RELN: variants seen among roughly 807,000 people sequenced by gnomAD.
RELN encodes reelin.
A neutral mutation model predicts 427.6 loss-of-function variants in RELN; 108 were observed. The observed-to-expected ratio is 0.25, with a 90% CI of 0.22 to 0.30. RELN has a LOEUF of 0.30. Among genes scored for constraint, RELN ranks in the 10% least tolerant of loss-of-function variants. The pLI, the probability that RELN is intolerant of heterozygous loss-of-function variation, is 1.00. For synonymous variants in RELN, 1,524 were observed against 1,513.4 expected (o/e 1.01, Z -0.16); for missense variants, 3,715 against 4,302.8 (o/e 0.86, Z 3.82).
At chr7:103,912,818 A>T (rs1053763641) in intron 2 of RELN, among the ~76,000 whole-genome samples, 4 of 152,182 alleles carry the variant, frequency 2.6e-5, no homozygotes, top group Non-Finnish European at 5.9e-5. Context: ...ACAATTTTGT[A>T]TGAAAGGATA....
intron 48 of RELN, among the ~76,000 whole-genome samples, chr7:103,520,722 C>T (rs980017397): frequency 2.0e-5 from 3 of 152,084 alleles, no homozygotes; most frequent in East Asian, 1.9e-4. Flanking sequence ...TGTTGATATA[C>T]GGATTTTTTT....
chr7:103,860,700 C>T (rs756092522), intron 2 of RELN, among the ~76,000 whole-genome samples: 19 of 151,946 alleles, frequency 1.3e-4, no homozygotes, highest in Admixed American at 8.5e-4. Context: ...CATGAGCCAC[C>T]GCACCCGGCC....
At chr7:103,945,064 C>T (rs1474885840) in intron 1 of RELN, among the ~76,000 whole-genome samples, 1 of 152,114 alleles carries the variant, frequency 6.6e-6, no homozygotes, top group Non-Finnish European at 1.5e-5. Context: ...TTGCAAAATA[C>T]AATTACAAGA....
intron 3 of RELN, among the ~76,000 whole-genome samples, chr7:103,816,348 C>T (rs1490853083): frequency 2.0e-5 from 3 of 152,122 alleles, no homozygotes; most frequent in African/African-American, 4.8e-5. Flanking sequence ...CACTGCACTC[C>T]AGCCTGAGCA....
intron 2 of RELN, among the ~76,000 whole-genome samples, chr7:103,872,881 C>G (rs1794383766): frequency 6.6e-6 from 1 of 151,028 alleles, no homozygotes; most frequent in East Asian, 2.0e-4. Flanking sequence ...AGTGTCTGTT[C>G]ATGTCCTTCG....
At chr7:103,638,297 A>G (rs12539504) in intron 17 of RELN, among the ~76,000 whole-genome samples, 55,411 of 151,882 alleles carry the variant, frequency 0.36, 10,238 homozygotes, top group South Asian at 0.45. Context: ...AGGGGTTCTA[A>G]TGCTCTGTCT....
intron 3 of RELN, among the ~76,000 whole-genome samples, chr7:103,806,323 C>CT (rs1254517912): frequency 6.6e-6 from 1 of 151,892 alleles, no homozygotes; most frequent in African/African-American, 2.4e-5. Flanking sequence ...TAAGCACTTT[C>CT]TTTCTTTTTT....
In RELN at chr7:103,581,910, CAGA is replaced by C. The variant is rs563109120; in HGVS notation, c.4146-6208_4146-6206del. ...AGATGATGGAGCCCAGGAAGACCAG[CAGA>C]AGAACTGCCCAGCCAACCCCACAAA... On this transcript the variant is annotated intron_variant, in intron 28 of 64. Transcript: ENST00000428762. Among the ~76,000 whole-genome samples, 401 of 152,032 alleles carry C rather than the reference CAGA, an allele frequency of 2.6e-3. 1 individual carries two copies. The highest frequency in any genetic ancestry group is 4.4e-3 in the Non-Finnish European group (297 of 68,000).
At chr7:103,698,255 C>A (rs1420660594) in intron 9 of RELN, among the ~76,000 whole-genome samples, 162 bp from the exon 10 acceptor site, 2 of 152,080 alleles carry the variant, frequency 1.3e-5, no homozygotes, top group Admixed American at 6.6e-5. Context: ...TTAATATTTG[C>A]TGACTATTAA....
rs191038382 is a variant in RELN at position 103,763,954 on chromosome 7, T to C, written c.545-10740A>G. On this transcript the variant is annotated intron_variant, in intron 4 of 64. Coordinates refer to ENST00000428762, the MANE Select transcript of RELN (RefSeq NM_005045.4). The stretch of plus-strand genomic sequence containing the variant: ...GTTGGTTTAAGAGACATTGTGTAAA[T>C]TGGCCTTAGACACACTGGATATAGA... Among the ~76,000 whole-genome samples the C allele has an allele frequency of 9.9e-4, 151 of 152,240 alleles. 1 individual carries two copies. The highest frequency in any genetic ancestry group is 3.4e-3 in the Middle Eastern group (1 of 294).
At chr7:103,900,837 C>A (rs928609137) in intron 2 of RELN, among the ~76,000 whole-genome samples, 8 of 151,790 alleles carry the variant, frequency 5.3e-5, no homozygotes, top group Non-Finnish European at 1.0e-4. Flanking sequence ...ATATAAAAAT[C>A]AACTCAAGAT....
At chr7:103,500,682 A>T (rs2117032734) in intron 53 of RELN, 63 bp downstream of exon 53, 1 of 1,530,866 alleles carries the variant, frequency 6.5e-7, no homozygotes, top group East Asian at 2.3e-5. Context: ...CTCATACATA[A>T]GTTGGTTCCT....
intron 3 of RELN, among the ~76,000 whole-genome samples, chr7:103,805,581 C>A (rs1354167597): frequency 6.6e-6 from 1 of 152,184 alleles, no homozygotes; most frequent in Non-Finnish European, 1.5e-5. Context: ...CCTCCTGAAT[C>A]CTCCAGCCAA....
At chr7:103,876,300 C>T (rs537930829) in intron 2 of RELN, among the ~76,000 whole-genome samples, 2 of 152,158 alleles carry the variant, frequency 1.3e-5, no homozygotes, top group East Asian at 3.9e-4. Context: ...TGTGAAAGGC[C>T]ATACACAAGG....
chr7:103,733,994 T>C (rs542388709), intron 6 of RELN, among the ~76,000 whole-genome samples: 1 of 152,168 alleles, frequency 6.6e-6, no homozygotes, highest in Non-Finnish European at 1.5e-5. Flanking sequence ...CTACTCTTCC[T>C]TTATGGAAAA....
intron 3 of RELN, among the ~76,000 whole-genome samples, chr7:103,831,882 T>TA (rs994407662): frequency 6.6e-6 from 1 of 152,118 alleles, no homozygotes; most frequent in African/African-American, 2.4e-5. Flanking sequence ...CCACAATATG[T>TA]AGGATATACT....
chr7:103,860,481 TC>T (rs1185022206), intron 2 of RELN, among the ~76,000 whole-genome samples: 1 of 152,162 alleles, frequency 6.6e-6, no homozygotes, highest in African/African-American at 2.4e-5. Flanking sequence ...GGAGGTAGTT[TC>T]ATTAGGCTAA....
chr7:103,714,738 T>A (rs1370206997), intron 8 of RELN, among the ~76,000 whole-genome samples: 2 of 152,174 alleles, frequency 1.3e-5, no homozygotes, highest in African/African-American at 2.4e-5. Context: ...TATCGGATAA[T>A]GCTTTGTGGC....
chr7:103,971,798 C>T (rs907507295), intron 1 of RELN, among the ~76,000 whole-genome samples: 1 of 148,356 alleles, frequency 6.7e-6, no homozygotes, highest in African/African-American at 2.4e-5. Flanking sequence ...CTTGGCCAGG[C>T]ATGCTGGCTG....
Sources: gnomAD v4.1 joint callset for allele counts (sites outside exome capture counted in the v4.1 genomes callset) on GRCh38, gnomAD v4.1.1 for gene constraint, MANE v1.5 for transcripts, NCBI Gene and HGNC (gene_info 2026-07-23, HGNC 2026-07-21) for gene names.